MCF2L2: variants seen among roughly 807,000 people sequenced by gnomAD.
MCF2L2 encodes MCF.2 cell line derived transforming sequence-like 2.
Under a neutral mutation model 150.2 loss-of-function variants are expected in MCF2L2, and 102 were observed. That is an observed-to-expected ratio of 0.68 (90% CI 0.58 to 0.80). The LOEUF is 0.80. MCF2L2 is among the 30% of genes least tolerant of loss of function. MCF2L2 has a pLI of 0.00. For synonymous variants in MCF2L2, 465 were observed against 491.3 expected (o/e 0.95, Z 0.71); for missense variants, 1,256 against 1,372.8 (o/e 0.91, Z 1.34).
chr3:183,296,848 G>T, intron 12 of MCF2L2, 128 bp downstream of exon 12: 1 of 1,031,760 alleles, frequency 9.7e-7, no homozygotes, highest in Non-Finnish European at 1.4e-6. Context: ...GGAGGGCTTC[G>T]GAACCAGTGA....
At chr3:183,405,594 A>G (rs979063359) in intron 1 of MCF2L2, among the ~76,000 whole-genome samples, 1 of 152,206 alleles carries the variant, frequency 6.6e-6, no homozygotes, top group Non-Finnish European at 1.5e-5. Flanking sequence ...TTAGCATAAT[A>G]TATTTCAGAT....
At position 183,224,078 on chromosome 3, in the gene MCF2L2, G is replaced by A; in HGVS notation, c.2208+20C>T. 1 of 1,591,546 alleles carries A rather than the reference G, an allele frequency of 6.3e-7. No homozygotes were observed. The highest frequency in any genetic ancestry group is 8.6e-7 in the Non-Finnish European group (1 of 1,159,980). ...GCATAGAAACATTTTCCAGGAAGAA[G>A]TTTGTCTTCTCAACATTACCCCAAA... On this transcript the variant is annotated intron_variant, in intron 19 of 29. Coordinates refer to ENST00000328913, the MANE Select transcript of MCF2L2 (RefSeq NM_015078.4).
intron 15 of MCF2L2, among the ~76,000 whole-genome samples, chr3:183,275,998 T>G (rs774924970): frequency 3.9e-5 from 6 of 152,158 alleles, no homozygotes; most frequent in African/African-American, 7.2e-5. Context: ...TAGGTATGAG[T>G]TTTAGTAAAA....
intron 3 of MCF2L2, among the ~76,000 whole-genome samples, chr3:183,344,296 T>C (rs1004724277): frequency 6.6e-6 from 1 of 151,650 alleles, no homozygotes; most frequent in Non-Finnish European, 1.5e-5. Context: ...AAAAACTCAA[T>C]AAAGGAGATA....
intron 5 of MCF2L2, among the ~76,000 whole-genome samples, chr3:183,325,664 T>C (rs938887112): frequency 6.6e-6 from 1 of 152,210 alleles, no homozygotes; most frequent in East Asian, 1.9e-4. Context: ...AAAGACCCAA[T>C]GTGCAACATT....
intron 1 of MCF2L2, among the ~76,000 whole-genome samples, chr3:183,424,634 T>C (rs1716068621): frequency 6.6e-6 from 1 of 152,096 alleles, no homozygotes; most frequent in African/African-American, 2.4e-5. Flanking sequence ...GTAACCATAA[T>C]ACAGGGGAGA....
chr3:183,224,416 G>C lies in MCF2L2; in HGVS notation c.2116-226C>G. On this transcript the variant is annotated intron_variant, in intron 18 of 29. Transcript: ENST00000328913. Reference sequence around the variant, plus strand: ...GACATAGATAGGCACAGAGTGCTCTGGGAGCATCTACAAGGGCTATTGGTA... The same window carrying C: ...GACATAGATAGGCACAGAGTGCTCTCGGAGCATCTACAAGGGCTATTGGTA... 3 of 468,678 alleles carry C rather than the reference G, an allele frequency of 6.4e-6. No individual in the cohort carries two copies. In the South Asian group the frequency reaches 1.0e-4, roughly 16 times the overall value. 29.0% of individuals were successfully genotyped at this position (468,678 alleles called of 1,614,324 possible). A position where few individuals can be genotyped will look rare whatever the true frequency, so the allele number is the denominator to read the frequency against.
chr3:183,420,676 G>T (rs1374354531), intron 1 of MCF2L2, among the ~76,000 whole-genome samples: 2 of 152,216 alleles, frequency 1.3e-5, no homozygotes, highest in Non-Finnish European at 2.9e-5. Context: ...AGTTCCGCCT[G>T]GCTGGGGAAG....
intron 11 of MCF2L2, 93 bp from the exon 12 acceptor site, chr3:183,297,260 C>T (rs1044906265): frequency 9.3e-7 from 1 of 1,071,016 alleles, no homozygotes. Context: ...AAGGTGTCTA[C>T]AAGGATTCCC....
At chr3:183,403,935 A>G (rs781518312) in intron 1 of MCF2L2, among the ~76,000 whole-genome samples, 1 of 152,172 alleles carries the variant, frequency 6.6e-6, no homozygotes, top group Non-Finnish European at 1.5e-5. Context: ...AAAGGGAAAG[A>G]AGAAAAAAAT....
chr3:183,205,146 C>T (rs538557459), intron 25 of MCF2L2, among the ~76,000 whole-genome samples: 3 of 152,162 alleles, frequency 2.0e-5, no homozygotes, highest in African/African-American at 4.8e-5. Context: ...TTTGGGAGGC[C>T]GAGGCAGGCA....
intron 13 of MCF2L2, among the ~76,000 whole-genome samples, chr3:183,292,334 A>G (rs1166928760): frequency 6.6e-6 from 1 of 152,072 alleles, no homozygotes; most frequent in Non-Finnish European, 1.5e-5. Context: ...GCAGGAGGAT[A>G]GCTTGAGCCC....
At position 183,270,060 on chromosome 3, in the gene MCF2L2, G is replaced by C; in HGVS notation, c.1862+6812C>G. The C allele has an allele frequency of 5.6e-6, 9 of 1,614,102 alleles. No individual in the cohort carries two copies. The highest frequency in any genetic ancestry group is 7.6e-6 in the Non-Finnish European group (9 of 1,180,040). ...CAAGGAAAAGTGTCAAGCTCAAGAC[G>C]TCCTCCTTTTACTGTTTGTAAAAAC... On this transcript the variant is annotated intron_variant, in intron 15 of 29. Transcript: ENST00000328913. The surrounding 1 kb of genome is among the most constrained non-coding windows in gnomAD (Gnocchi z 4.5).
intron 22 of MCF2L2, among the ~76,000 whole-genome samples, chr3:183,212,965 T>TG (rs1238129253): frequency 2.1e-3 from 21 of 10,240 alleles, no homozygotes; most frequent in Admixed American, 0.018. Flanking sequence ...GTGGGGGGGG[T>TG]GGGGGGGTGG....
At chr3:183,393,673 G>C (rs140074020) in intron 1 of MCF2L2, among the ~76,000 whole-genome samples, 165 of 152,302 alleles carry the variant, frequency 1.1e-3, no homozygotes, top group African/African-American at 3.7e-3. Flanking sequence ...AATACAGACG[G>C]TATCAAAGGC....
Position 183,179,550 on chromosome 3 carries a change from G to T in MCF2L2, c.3221+27C>A. 1.2e-6 allele frequency: 2 copies of T among 1,613,198 alleles called. No individual in the cohort carries two copies. The highest frequency in any genetic ancestry group is 1.7e-6 in the Non-Finnish European group (2 of 1,179,518). ...CAGAGACGCCGTGGCCCAAAGAGGC[G>T]CTTAGTCTTTCCTCGCTCACACTCA... On this transcript the variant is annotated intron_variant, in intron 29 of 29. Coordinates refer to ENST00000328913, the MANE Select transcript of MCF2L2 (RefSeq NM_015078.4). This position sits in a 1 kb window ranked among gnomAD's most constrained non-coding sequence, Gnocchi z 4.2.
At chr3:183,385,791 T>C (rs777758533) in intron 2 of MCF2L2, among the ~76,000 whole-genome samples, 17 of 152,208 alleles carry the variant, frequency 1.1e-4, no homozygotes, top group Non-Finnish European at 2.4e-4. Context: ...CCTTCTGAGA[T>C]TCTCTTGCTG....
chr3:183,180,035 GGAA>G (rs1395159720), intron 28 of MCF2L2, 33 bp downstream of exon 28: 17 of 1,497,602 alleles, frequency 1.1e-5, no homozygotes, highest in Non-Finnish European at 1.4e-5. Flanking sequence ...TAGGAAGGAG[GGAA>G]GAAGATGAAA....
intron 12 of MCF2L2, chr3:183,296,473 C>T (rs1728511660): frequency 6.3e-6 from 1 of 157,886 alleles, no homozygotes; most frequent in Non-Finnish European, 1.4e-5. Context: ...TCTGGAAAGG[C>T]TCTCCCATCT....
Sources: allele counts gnomAD v4.1 joint callset (sites outside exome capture counted in the v4.1 genomes callset), GRCh38; gene constraint gnomAD v4.1.1; non-coding constraint Gnocchi (gnomAD v3.1); transcripts MANE v1.5; gene names NCBI Gene and HGNC (gene_info 2026-07-23, HGNC 2026-07-21).